KLHL4: variants seen among roughly 807,000 people sequenced by gnomAD.
KLHL4 encodes the protein kelch like family member 4, also known as kelch-like protein 4.
In KLHL4, 17 loss-of-function variants were observed where a neutral mutation model predicts 45.8. The observed-to-expected ratio is 0.37, with a 90% CI of 0.25 to 0.56. KLHL4 has a LOEUF of 0.56. Among genes scored for constraint, KLHL4 ranks in the 20% least tolerant of loss-of-function variants. KLHL4 has a pLI of 0.79. For synonymous variants in KLHL4, 224 were observed against 189.9 expected, an observed-to-expected ratio of 1.18 and a Z score of -1.47; for missense variants, 544 against 544.9, an observed-to-expected ratio of 1.00 and a Z score of 0.02.
At chrX:87,529,758 C>T (rs771075913) in intron 1 of KLHL4, among the ~76,000 whole-genome samples, 2 of 111,567 alleles carry the variant, frequency 1.8e-5, no homozygotes, top group South Asian at 3.8e-4. Flanking sequence ...TTTTAAATTC[C>T]CTTTTTTGAA....
chrX:87,653,127 C>T (rs754771119), intron 9 of KLHL4, among the ~76,000 whole-genome samples: 5 of 111,727 alleles, frequency 4.5e-5, no homozygotes, highest in South Asian at 7.6e-4. Flanking sequence ...TCCCACAACA[C>T]GTGGGAATCA....
chrX:87,633,087 G>A (rs139613287), intron 7 of KLHL4, among the ~76,000 whole-genome samples: 2,459 of 111,102 alleles, frequency 0.022, 28 homozygotes, highest in Middle Eastern at 0.038. Flanking sequence ...AGGGAAATCA[G>A]AGCAAGCTTA....
Position 87,632,325 on chromosome X carries a change from C to T in KLHL4, c.1440C>T (p.Val480=), listed in dbSNP as rs757049284. 15 of 1,206,866 alleles carry T rather than the reference C, an allele frequency of 1.2e-5. No individual in the cohort carries two copies. The Admixed American group carries it at 2.2e-4, about 18-fold the overall frequency. ...CAGTTATTGATAATAAGCTCTATGT[C>T]GTGGGAGGAAGAGACGGTTTAAAAA... ...GVAVIDNKLY[V]VGGRDGLKTL... Residue 480 remains valine, a synonymous_variant, in exon 7 of 11, where the codon GTC becomes GTT. Coordinates refer to ENST00000373119, the MANE Select transcript of KLHL4 (RefSeq NM_019117.5).
intron 9 of KLHL4, among the ~76,000 whole-genome samples, chrX:87,659,579 C>T (rs777014472): frequency 1.4e-3 from 96 of 70,018 alleles, no homozygotes; most frequent in African/African-American, 3.6e-3. Flanking sequence ...TTTTACGTTT[C>T]TTTATTATAT....
At chrX:87,627,955 A>G (rs1231545020) in intron 6 of KLHL4, among the ~76,000 whole-genome samples, 5 of 111,349 alleles carry the variant, frequency 4.5e-5, no homozygotes, top group African/African-American at 1.6e-4. Flanking sequence ...ACTCCTTATC[A>G]GTCTCTAAAA....
At chrX:87,591,885 T>C (rs1346241534) in intron 1 of KLHL4, among the ~76,000 whole-genome samples, 1 of 111,756 alleles carries the variant, frequency 8.9e-6, no homozygotes, top group Admixed American at 9.6e-5. Flanking sequence ...TTTAAGTTAT[T>C]TTAAAATGTA....
intron 1 of KLHL4, among the ~76,000 whole-genome samples, chrX:87,575,667 G>A (rs781473601): frequency 7.2e-5 from 8 of 111,772 alleles, no homozygotes; most frequent in Admixed American, 2.9e-4. Context: ...CTTGAAAAAT[G>A]CAAGACACAT....
chrX:87,557,617 A>ATT (rs58546975), intron 1 of KLHL4, among the ~76,000 whole-genome samples: 14 of 109,688 alleles, frequency 1.3e-4, no homozygotes, highest in Non-Finnish European at 2.1e-4. Flanking sequence ...AATGTTTATT[A>ATT]TTTTTTTTGC....
intron 1 of KLHL4, among the ~76,000 whole-genome samples, chrX:87,549,325 T>C (rs1435913808): frequency 9.0e-6 from 1 of 111,223 alleles, no homozygotes; most frequent in Non-Finnish European, 1.9e-5. Flanking sequence ...TAATAATAGC[T>C]AAAAACTTCA....
At chrX:87,631,685 G>T (rs761724808) in intron 6 of KLHL4, among the ~76,000 whole-genome samples, 1 of 111,277 alleles carries the variant, frequency 9.0e-6, no homozygotes, top group African/African-American at 3.3e-5. Context: ...CTAAAGGCCC[G>T]TTTAAAAATA....
chrX:87,654,775 G>T (rs1923933429), intron 9 of KLHL4, among the ~76,000 whole-genome samples: 1 of 111,634 alleles, frequency 9.0e-6, no homozygotes, highest in Admixed American at 9.5e-5. Flanking sequence ...GTGTGTAAGT[G>T]TTCCCTTTTC....
At chrX:87,530,271 C>CT (rs1335567538) in intron 1 of KLHL4, among the ~76,000 whole-genome samples, 1,475 of 102,003 alleles carry the variant, frequency 0.014, 12 homozygotes, top group Non-Finnish European at 0.018. Flanking sequence ...ACATTTAAGT[C>CT]TTTTTTTTTT....
chrX:87,561,233 C>G (rs1003888077), intron 1 of KLHL4, among the ~76,000 whole-genome samples: 1 of 110,716 alleles, frequency 9.0e-6, no homozygotes, highest in Non-Finnish European at 1.9e-5. Context: ...TGAGTTACGA[C>G]AGCACCTGGT....
chrX:87,528,955 A>G (rs934897089), intron 1 of KLHL4, among the ~76,000 whole-genome samples: 2 of 110,407 alleles, frequency 1.8e-5, no homozygotes, highest in Admixed American at 9.8e-5. Context: ...TACAAAAGGT[A>G]AGCACCAAAT....
Position 87,559,174 on chromosome X carries a change from A to C in KLHL4, c.422+40859A>C, listed in dbSNP as rs1038573759. The stretch of plus-strand genomic sequence containing the variant: ...ATAAAACCACATTTATGGACATTGA[A>C]TTTTGAGTTGTATAATTGTTTATTT... On this transcript the variant is annotated intron_variant, in intron 1 of 10. Coordinates refer to ENST00000373119, the MANE Select transcript of KLHL4 (RefSeq NM_019117.5). Among the ~76,000 whole-genome samples the C allele has an allele frequency of 4.5e-5, 5 of 112,178 alleles. No individual in the cohort carries two copies. In the Admixed American group the frequency reaches 4.7e-4, roughly 11 times the overall value.
intron 1 of KLHL4, among the ~76,000 whole-genome samples, chrX:87,539,690 CTGTACTTAA>C (rs1015881127): frequency 3.6e-5 from 4 of 110,765 alleles, no homozygotes; most frequent in Non-Finnish European, 7.6e-5. Context: ...AGTAACAATC[CTGTACTTAA>C]TGGCAAATAA....
intron 10 of KLHL4, among the ~76,000 whole-genome samples, chrX:87,665,726 C>T (rs1924345374): frequency 9.0e-6 from 1 of 111,665 alleles, no homozygotes; most frequent in East Asian, 2.8e-4. Context: ...TGGTACCTAA[C>T]TTCATCTTCC....
intron 5 of KLHL4, among the ~76,000 whole-genome samples, chrX:87,623,887 G>C (rs942637570): frequency 2.2e-4 from 25 of 111,637 alleles, no homozygotes; most frequent in African/African-American, 7.8e-4. Context: ...TTCAAGAAAA[G>C]TTCTATGACA....
At chrX:87,539,385 A>C (rs1467547520) in intron 1 of KLHL4, among the ~76,000 whole-genome samples, 1 of 110,427 alleles carries the variant, frequency 9.1e-6, no homozygotes, top group Non-Finnish European at 1.9e-5. Flanking sequence ...AGTTCCTTTA[A>C]TGTCTTCTTC....
Sources: gnomAD v4.1 joint callset for allele counts (sites outside exome capture counted in the v4.1 genomes callset) on GRCh38, gnomAD v4.1.1 for gene constraint, MANE v1.5 for transcripts, NCBI Gene and HGNC (gene_info 2026-07-23, HGNC 2026-07-21) for gene names.